Variants in STARD13 observed in about 807,000 individuals in gnomAD.
STARD13 encodes the protein StAR related lipid transfer domain containing 13, also known as stAR-related lipid transfer protein 13.
STARD13 carries 62 observed loss-of-function variants against 106.4 expected under a neutral mutation model. The observed-to-expected ratio is 0.58, with a 90% CI of 0.48 to 0.72. The LOEUF is 0.72. Among genes scored for constraint, STARD13 ranks in the 30% least tolerant of loss-of-function variants. The pLI is 0.00. For missense variants in STARD13, 1,387 were observed against 1,424.0 expected (o/e 0.97, Z 0.42); for synonymous variants, 565 against 553.0 (o/e 1.02, Z -0.31).
the STARD13 span, among the ~76,000 whole-genome samples, chr13:33,522,939 T>C: frequency 6.6e-6 from 1 of 152,314 alleles, no homozygotes; most frequent in Non-Finnish European, 1.5e-5. Context: ...AAATAGGCAA[T>C]GTGTGTGAGA....
At chr13:33,231,748 C>T (rs1451319638) in intron 1 of STARD13, among the ~76,000 whole-genome samples, 2 of 152,068 alleles carry the variant, frequency 1.3e-5, no homozygotes, top group Admixed American at 6.5e-5. Flanking sequence ...ACTGCAGGTC[C>T]GGGGCATTCC....
chr13:33,666,014 C>T, the STARD13 span, among the ~76,000 whole-genome samples: 2 of 152,154 alleles, frequency 1.3e-5, no homozygotes, highest in African/African-American at 4.8e-5. Flanking sequence ...TCTGACTTGT[C>T]CCTGAAGAAA....
rs545556194 is a variant in STARD13, at chr13:33,291,307, G to GT, written c.124+58982dup. Among the ~76,000 whole-genome samples the GT allele has an allele frequency of 2.7e-4, 41 of 152,282 alleles. No individual in the cohort carries two copies. In the East Asian group the frequency reaches 7.7e-3, roughly 29 times the overall value. On this transcript the variant is annotated intron_variant, in intron 1 of 5. Transcript: ENST00000567873. Reference sequence around the variant, plus strand: ...GTTTGTCAAAAGCCCTTGTAAGAATGTTTTTGTGTAGTCTCACGTTTTTTT... The same window carrying GT: ...GTTTGTCAAAAGCCCTTGTAAGAATGTTTTTTGTGTAGTCTCACGTTTTTTT...
intron 1 of STARD13, among the ~76,000 whole-genome samples, chr13:33,270,884 A>T (rs1288023482): frequency 2.6e-5 from 4 of 152,330 alleles, no homozygotes; most frequent in Admixed American, 6.5e-5. Flanking sequence ...ATTAGTGAAG[A>T]AAACCTCAAA....
At chr13:33,557,393 TCTC>T in the STARD13 span, among the ~76,000 whole-genome samples, 1 of 152,118 alleles carries the variant, frequency 6.6e-6, no homozygotes, top group Non-Finnish European at 1.5e-5. Flanking sequence ...GGGAAAAAAA[TCTC>T]CTCTTGAATT....
chr13:33,676,025 T>C, the STARD13 span, among the ~76,000 whole-genome samples: 2 of 152,328 alleles, frequency 1.3e-5, no homozygotes, highest in East Asian at 3.9e-4. Flanking sequence ...TTGAACTTGT[T>C]CTACCTCCTT....
intron 1 of STARD13, among the ~76,000 whole-genome samples, chr13:33,340,136 CTTT>C (rs2138589551): frequency 6.6e-6 from 1 of 152,288 alleles, no homozygotes; most frequent in African/African-American, 2.4e-5. Context: ...ATTTGTTACG[CTTT>C]TTATGATATT....
At chr13:33,431,430 C>G in the STARD13 span, among the ~76,000 whole-genome samples, 1 of 152,002 alleles carries the variant, frequency 6.6e-6, no homozygotes, top group Non-Finnish European at 1.5e-5. Flanking sequence ...ATTAATGAAA[C>G]TTATGGATAA....
At chr13:33,166,865 C>T (rs184967239) in intron 2 of STARD13, among the ~76,000 whole-genome samples, 154 of 151,926 alleles carry the variant, frequency 1.0e-3, no homozygotes, top group African/African-American at 3.7e-3. Context: ...TGTGGTGGTG[C>T]CCGCCTGTAA....
At chr13:33,381,031 A>G in the STARD13 span, among the ~76,000 whole-genome samples, 1 of 152,138 alleles carries the variant, frequency 6.6e-6, no homozygotes, top group African/African-American at 2.4e-5. Flanking sequence ...CAAAAATATC[A>G]CTGACTGACT....
chr13:33,215,141 T>C (rs1351399137), intron 1 of STARD13, among the ~76,000 whole-genome samples: 1 of 130,222 alleles, frequency 7.7e-6, no homozygotes, highest in Non-Finnish European at 1.6e-5. Flanking sequence ...TGGGGGGAAA[T>C]AAGCACCTCT....
At chr13:33,675,559 G>A in the STARD13 span, among the ~76,000 whole-genome samples, 13 of 152,116 alleles carry the variant, frequency 8.5e-5, no homozygotes. Context: ...GGATGAGAAA[G>A]GATATGGAGC....
chr13:33,110,885 T>C lies in STARD13; in HGVS notation c.2630A>G (p.Gln877Arg), dbSNP rs1874445332. 6.2e-7 allele frequency: 1 copy of C among 1,613,284 alleles called. No individual in the cohort carries two copies. The highest frequency in any genetic ancestry group is 8.5e-7 in the Non-Finnish European group (1 of 1,180,024). Residue 877 changes from glutamine to arginine, a missense_variant, in exon 11 of 14, where the codon CAG becomes CGG. Transcript: ENST00000336934. Reference sequence around the variant, plus strand: ...AGCCTCCACATACGAGTTACGAGACTGGGCCACCAACTCGTGTGGAACCTA... The same window carrying C: ...AGCCTCCACATACGAGTTACGAGACCGGGCCACCAACTCGTGTGGAACCTA... Reference protein sequence around the residue: ...LFEVPHELVAQSRNSYVEAEI... With the variant: ...LFEVPHELVARSRNSYVEAEI...
the STARD13 span, among the ~76,000 whole-genome samples, chr13:33,562,828 G>C: frequency 6.8e-6 from 1 of 146,922 alleles, no homozygotes; most frequent in Admixed American, 7.0e-5. Flanking sequence ...CCTAGCATTA[G>C]TTGAGGGGGA....
In STARD13 at chr13:33,130,886, C is replaced by T. The variant is rs182061518; in HGVS notation, c.388-597G>A. Among the ~76,000 whole-genome samples, 1 of 152,302 alleles carries T rather than the reference C, an allele frequency of 6.6e-6. No homozygotes were observed. The highest frequency in any genetic ancestry group is 2.4e-5 in the African/African-American group (1 of 41,564). Reference sequence around the variant, plus strand: ...ATTTCTTTAAGTAGAGATGAGGGAGCCATTCTGGAGATCGCTATTTGTGAT... The same window carrying T: ...ATTTCTTTAAGTAGAGATGAGGGAGTCATTCTGGAGATCGCTATTTGTGAT... On this transcript the variant is annotated intron_variant, in intron 4 of 13. Transcript: ENST00000336934. This position sits in a 1 kb window ranked among gnomAD's most constrained non-coding sequence, Gnocchi z 4.1.
the STARD13 span, among the ~76,000 whole-genome samples, chr13:33,608,456 A>G: frequency 2.6e-5 from 4 of 152,238 alleles, no homozygotes; most frequent in Non-Finnish European, 4.4e-5. Flanking sequence ...GGAAGAGGGA[A>G]AAATAGGGGA....
At chr13:33,433,304 C>T in the STARD13 span, among the ~76,000 whole-genome samples, 5 of 152,326 alleles carry the variant, frequency 3.3e-5, no homozygotes, top group African/African-American at 4.8e-5. Flanking sequence ...GCTCCTATCT[C>T]CCAGAAGACC....
At chr13:33,622,679 T>A in the STARD13 span, among the ~76,000 whole-genome samples, 3 of 144,994 alleles carry the variant, frequency 2.1e-5, no homozygotes, top group African/African-American at 7.7e-5. Context: ...CCCAGCACTT[T>A]GGGAGGCTGA....
the STARD13 span, among the ~76,000 whole-genome samples, chr13:33,372,818 C>T: frequency 3.3e-5 from 5 of 151,542 alleles, no homozygotes; most frequent in African/African-American, 1.2e-4. Flanking sequence ...ATAAATTAGC[C>T]AAATAATACA....
Sources: allele counts gnomAD v4.1 joint callset (sites outside exome capture counted in the v4.1 genomes callset), GRCh38; gene constraint gnomAD v4.1.1; non-coding constraint Gnocchi (gnomAD v3.1); transcripts MANE v1.5; gene names NCBI Gene and HGNC (gene_info 2026-07-23, HGNC 2026-07-21).